Variants in IVD observed in about 807,000 individuals in gnomAD.
The protein encoded by IVD is isovaleryl-CoA dehydrogenase, mitochondrial.
In IVD, 31 loss-of-function variants were observed where a neutral mutation model predicts 51.3. That is an observed-to-expected ratio of 0.60 (90% CI 0.45 to 0.81). The LOEUF (loss-of-function observed/expected upper bound fraction) is 0.81, where lower values mean the gene tolerates loss of function less well. IVD is among the 40% of genes least tolerant of loss of function. IVD has a pLI of 0.00. For missense variants in IVD, 475 were observed against 552.0 expected (o/e 0.86, Z 1.40); for synonymous variants, 205 against 219.4 (o/e 0.93, Z 0.58).
chr15:40,418,614 G>A lies in IVD; in HGVS notation c.*351G>A. On this transcript the variant is annotated 3_prime_UTR_variant, in exon 12 of 12. Coordinates refer to ENST00000487418, the MANE Select transcript of IVD (RefSeq NM_002225.5). ...GGGCATGCAGGTGCCCACCTCCCAG[G>A]GTAGGCACCTGGGGGCATGCAGGTA... is the stretch of plus-strand genomic sequence containing the variant. 9.4e-7 allele frequency: 1 copy of A among 1,066,004 alleles called. No individual in the cohort carries two copies. The highest frequency in any genetic ancestry group is 1.8e-5 in the African/African-American group (1 of 55,834). The allele number at this position is 1,066,004 out of a possible 1,614,324, so 66.0% of individuals were successfully genotyped here.
At position 40,410,638 on chromosome 15, in the gene IVD, CG is replaced by C; in HGVS notation, c.299del (p.Gly100AlafsTer12). 1 of 1,614,194 alleles carries C rather than the reference CG, an allele frequency of 6.2e-7. No homozygotes were observed. The highest frequency in any genetic ancestry group is 8.5e-7 in the Non-Finnish European group (1 of 1,180,040). On this transcript the variant is annotated frameshift_variant, in exon 4 of 12. Transcript: ENST00000487418. LOFTEE classifies it high-confidence loss of function. ...CCACACCACTCACAGTTCAGTATGG[CG>C]GCTCCGGCCTGGGCTACCTGGAGCA... ...LGITAPVQYG[G>X]SGLGYLEHVL... is the part of the protein sequence containing the mutation.
At chr15:40,424,981 C>T (rs1892582418), downstream of IVD, among the ~76,000 whole-genome samples, 1 of 152,172 alleles carries the variant, frequency 6.6e-6, no homozygotes, top group Non-Finnish European at 1.5e-5. Context: ...TCCAGGCCTT[C>T]CCACCCTGGA....
intron 2 of IVD, 22 bp from the exon 3 acceptor site, chr15:40,407,917 C>G (rs755659466): frequency 1.7e-5 from 27 of 1,613,642 alleles, no homozygotes; most frequent in Non-Finnish European, 2.2e-5. Flanking sequence ...ACTTATTCCA[C>G]TCTGCTCCAT....
chr15:40,413,321 G>C (rs1410046091), intron 7 of IVD: 6 of 569,204 alleles, frequency 1.1e-5, no homozygotes, highest in Non-Finnish European at 1.6e-5. Context: ...GTACTCAGTA[G>C]CCGGAGGAGA....
At chr15:40,414,739 T>C in intron 7 of IVD, 150 bp from the exon 8 acceptor site, 1 of 1,394,730 alleles carries the variant, frequency 7.2e-7, no homozygotes, top group Non-Finnish European at 9.7e-7. Flanking sequence ...ACTTGATCCT[T>C]TTCTTTCACC....
chr15:40,409,322 G>A (rs1398954030), intron 3 of IVD, among the ~76,000 whole-genome samples: 1 of 151,874 alleles, frequency 6.6e-6, no homozygotes, highest in East Asian at 1.9e-4. Context: ...GATCGCTTGA[G>A]CCCAGGAGTT....
At position 40,420,468 on chromosome 15, in the gene IVD, C is replaced by T. The variant is rs185128282; in HGVS notation, c.*2205C>T. On this transcript the variant is annotated 3_prime_UTR_variant, in exon 12 of 12. Transcript: ENST00000487418. ...ACAAACCTATCTGGGGAGAAGCAAT[C>T]TACTTGCCGCTGCTTCCTGTCTGGA... is the stretch of plus-strand genomic sequence containing the variant. The T allele has an allele frequency of 1.2e-4, 119 of 987,658 alleles. No individual in the cohort carries two copies. Among genetic ancestry groups the T allele is most frequent in the Middle Eastern group, 5.6e-4 (2 of 3,546 alleles). 61.2% of individuals were successfully genotyped at this position (987,658 alleles called of 1,614,324 possible).
chr15:40,406,749 G>A (rs569721101), intron 1 of IVD, among the ~76,000 whole-genome samples: 175 of 152,286 alleles, frequency 1.1e-3, no homozygotes, highest in Non-Finnish European at 2.2e-3. Flanking sequence ...CAGCAACTCC[G>A]TAGTTTATGT....
intron 6 of IVD, chr15:40,412,718 T>G: frequency 4.6e-6 from 2 of 438,444 alleles, no homozygotes; most frequent in Non-Finnish European, 8.5e-6. Flanking sequence ...GCCAGGGGGG[T>G]CGGGAGGGCT....
chr15:40,418,568 C>A lies in IVD; in HGVS notation c.*305C>A, dbSNP rs1891967125. Reference sequence around the variant, plus strand: ...CCTTGCTCTCTAACTTCTGAGCCCACCTCCCAGGGTAGGCACCTGGGGGCA... The same window carrying A: ...CCTTGCTCTCTAACTTCTGAGCCCAACTCCCAGGGTAGGCACCTGGGGGCA... On this transcript the variant is annotated 3_prime_UTR_variant, in exon 12 of 12. Transcript: ENST00000487418. 11 of 936,376 alleles carry A rather than the reference C, an allele frequency of 1.2e-5. No individual in the cohort carries two copies. Among genetic ancestry groups the A allele is most frequent in the Non-Finnish European group, 1.4e-5 (10 of 730,910 alleles). The allele number at this position is 936,376 out of a possible 1,614,324, so 58.0% of individuals were successfully genotyped here.
At chr15:40,407,769 G>A in intron 2 of IVD, 44 bp downstream of exon 2, 1 of 1,544,978 alleles carries the variant, frequency 6.5e-7, no homozygotes, top group Non-Finnish European at 8.9e-7. Flanking sequence ...CAGGGAGTGG[G>A]GCTGAGCTGC....
chr15:40,407,580 G>T, intron 1 of IVD, 56 bp from the exon 2 acceptor site: 2 of 1,284,656 alleles, frequency 1.6e-6, no homozygotes, highest in Non-Finnish European at 2.3e-6. Context: ...TCTTGAATGT[G>T]TCTGGGTAGT....
intron 1 of IVD, among the ~76,000 whole-genome samples, chr15:40,407,401 A>C (rs1004345865): frequency 3.3e-5 from 5 of 152,244 alleles, no homozygotes; most frequent in African/African-American, 1.2e-4. Context: ...AGTGGAAACC[A>C]ATGGAATGAT....
chr15:40,422,756 T>C (rs62018021), downstream of IVD, among the ~76,000 whole-genome samples: 70 of 70,852 alleles, frequency 9.9e-4, no homozygotes, highest in East Asian at 3.8e-3. Context: ...TGTGCCACCA[T>C]GCCTGGCTAA....
chr15:40,410,976 A>G (rs1347888749), intron 4 of IVD, among the ~76,000 whole-genome samples, 179 bp downstream of exon 4: 1 of 152,252 alleles, frequency 6.6e-6, no homozygotes, highest in Non-Finnish European at 1.5e-5. Context: ...TAATAAAAAT[A>G]GGACCAGAAC....
At chr15:40,421,568 C>A (rs918901455), downstream of IVD, among the ~76,000 whole-genome samples, 1 of 152,182 alleles carries the variant, frequency 6.6e-6, no homozygotes, top group Admixed American at 6.5e-5. Flanking sequence ...GAGCACACCC[C>A]TTATCAAAAT....
intron 3 of IVD, among the ~76,000 whole-genome samples, chr15:40,410,318 T>C (rs2141321084): frequency 6.6e-6 from 1 of 152,368 alleles, no homozygotes; most frequent in Admixed American, 6.5e-5. Context: ...CCTCTGCATT[T>C]CTGTAACTTT....
In IVD at chr15:40,420,804, G is replaced by A. The variant is rs1892232477; in HGVS notation, c.*2541G>A. 3.0e-6 allele frequency: 3 copies of A among 985,490 alleles called. No individual in the cohort carries two copies. Among genetic ancestry groups the A allele is most frequent in the African/African-American group, 1.7e-5 (1 of 57,250 alleles). 61.0% of individuals were successfully genotyped at this position (985,490 alleles called of 1,614,324 possible). A position where few individuals can be genotyped will look rare whatever the true frequency, so the allele number is the denominator to read the frequency against. The stretch of plus-strand genomic sequence containing the variant: ...CATGGCAAAAATGGGGGTGTTCTGA[G>A]AATTCCAGCTTTGGGCCGCACTGTA... On this transcript the variant is annotated 3_prime_UTR_variant, in exon 12 of 12. Coordinates refer to ENST00000487418, the MANE Select transcript of IVD (RefSeq NM_002225.5).
intron 4 of IVD, 43 bp downstream of exon 4, chr15:40,410,840 A>G (rs375411312): frequency 3.7e-6 from 6 of 1,605,612 alleles, no homozygotes; most frequent in African/African-American, 2.7e-5. Context: ...TCACAGTGCA[A>G]CCACCAACTA....
Sources: gnomAD v4.1 joint callset for allele counts (sites outside exome capture counted in the v4.1 genomes callset) on GRCh38, gnomAD v4.1.1 for gene constraint, MANE v1.5 for transcripts, NCBI Gene and HGNC (gene_info 2026-07-23, HGNC 2026-07-21) for gene names.